PPFIA2: variants seen among roughly 807,000 people sequenced by gnomAD.
PPFIA2 encodes liprin-alpha-2.
In PPFIA2, 46 loss-of-function variants were observed where a neutral mutation model predicts 175.5. The ratio of observed to expected loss-of-function variants is 0.26; its 90% CI spans 0.21 to 0.34. The LOEUF (loss-of-function observed/expected upper bound fraction) is 0.34. Ranked by LOEUF, PPFIA2 falls within the 10% of genes least tolerant of loss-of-function variation. The probability of loss-of-function intolerance (pLI) is 1.00; values close to 1 mark genes in which losing one functional copy is unlikely to be tolerated. For synonymous variants in PPFIA2, 568 were observed against 511.4 expected, an observed-to-expected ratio of 1.11 and a Z score of -1.49; for missense variants, 1,179 against 1,506.1, an observed-to-expected ratio of 0.78 and a Z score of 3.60.
chr12:81,315,892 A>T (rs1594691236), intron 22 of PPFIA2, among the ~76,000 whole-genome samples: 1 of 151,814 alleles, frequency 6.6e-6, no homozygotes. Context: ...CATTAAATAT[A>T]ACTTTTCTTT....
chr12:81,332,565 T>C (rs1158427332), intron 21 of PPFIA2, among the ~76,000 whole-genome samples: 1 of 152,200 alleles, frequency 6.6e-6, no homozygotes, highest in Non-Finnish European at 1.5e-5. Flanking sequence ...AGAAAAATTA[T>C]AATGTTTCTG....
chr12:81,735,703 G>A (rs534321749), intron 3 of PPFIA2, among the ~76,000 whole-genome samples: 13 of 151,754 alleles, frequency 8.6e-5, no homozygotes, highest in Non-Finnish European at 1.6e-4. Context: ...CTTCTGCAGA[G>A]TGTATCGTTT....
At chr12:81,547,104 G>T (rs1234240734) in intron 4 of PPFIA2, among the ~76,000 whole-genome samples, 3 of 152,068 alleles carry the variant, frequency 2.0e-5, no homozygotes, top group African/African-American at 7.2e-5. Context: ...TTATTTGCCC[G>T]TGACAAACTG....
At chr12:81,444,795 A>G (rs2050907862) in intron 6 of PPFIA2, among the ~76,000 whole-genome samples, 1 of 152,186 alleles carries the variant, frequency 6.6e-6, no homozygotes, top group African/African-American at 2.4e-5. Flanking sequence ...ATACTTTACA[A>G]TGAAGTGTCC....
At chr12:81,510,935 A>C (rs1477301879) in intron 4 of PPFIA2, among the ~76,000 whole-genome samples, 2 of 152,216 alleles carry the variant, frequency 1.3e-5, no homozygotes, top group East Asian at 3.9e-4. Context: ...AAAACATTCT[A>C]ATTAGTTTTC....
chr12:81,560,074 C>G (rs140631639), intron 4 of PPFIA2, among the ~76,000 whole-genome samples: 1 of 152,022 alleles, frequency 6.6e-6, no homozygotes, highest in African/African-American at 2.4e-5. Context: ...TTTGAATTGA[C>G]GTATACCTGT....
At chr12:81,618,445 C>T (rs1472148413) in intron 4 of PPFIA2, among the ~76,000 whole-genome samples, 6 of 147,182 alleles carry the variant, frequency 4.1e-5, no homozygotes, top group Non-Finnish European at 8.9e-5. Context: ...GTAGAGAAAA[C>T]TGAAATTTAC....
At chr12:81,615,453 G>A (rs1308082165) in intron 4 of PPFIA2, among the ~76,000 whole-genome samples, 2 of 152,106 alleles carry the variant, frequency 1.3e-5, no homozygotes, top group Non-Finnish European at 2.9e-5. Context: ...ATAGAGAAAT[G>A]GTCCAAGCTG....
intron 4 of PPFIA2, among the ~76,000 whole-genome samples, chr12:81,514,760 T>C (rs2062199336): frequency 6.6e-6 from 1 of 151,970 alleles, no homozygotes; most frequent in Non-Finnish European, 1.5e-5. Flanking sequence ...AAATTAAATA[T>C]ACTAAATTAT....
intron 4 of PPFIA2, among the ~76,000 whole-genome samples, chr12:81,515,903 C>A (rs1166029719): frequency 6.6e-6 from 1 of 151,792 alleles, no homozygotes; most frequent in Non-Finnish European, 1.5e-5. Flanking sequence ...TACCAAAACT[C>A]TTTCTTGAAT....
intron 3 of PPFIA2, among the ~76,000 whole-genome samples, chr12:81,702,311 C>T (rs1419676071): frequency 2.0e-5 from 3 of 152,060 alleles, no homozygotes; most frequent in Non-Finnish European, 4.4e-5. Context: ...TTTCTTTCCC[C>T]AGTTACTATA....
intron 14 of PPFIA2, 81 bp from the exon 15 acceptor site, chr12:81,362,865 T>TA (rs1194857004): frequency 3.5e-6 from 3 of 854,596 alleles, no homozygotes; most frequent in Non-Finnish European, 5.4e-6. Flanking sequence ...TGATTTTTTT[T>TA]AAAAAGGAAA....
chr12:81,705,083 TA>T (rs557079067), intron 3 of PPFIA2, among the ~76,000 whole-genome samples: 2,484 of 32,234 alleles, frequency 0.077, 18 homozygotes, highest in Middle Eastern at 0.21. Context: ...AAACTCTGTC[TA>T]AAAAAAAAAA....
intron 3 of PPFIA2, among the ~76,000 whole-genome samples, chr12:81,677,841 G>C (rs183720438): frequency 2.0e-5 from 3 of 151,862 alleles, no homozygotes; most frequent in Non-Finnish European, 4.4e-5. Flanking sequence ...TAGAGGCTGT[G>C]ACCTGTTTAT....
intron 4 of PPFIA2, among the ~76,000 whole-genome samples, chr12:81,514,176 C>G (rs925785690): frequency 6.6e-6 from 1 of 151,828 alleles, no homozygotes. Context: ...CAAGTTCCCC[C>G]CCTGAACAAA....
chr12:81,701,314 G>A (rs539730997), intron 3 of PPFIA2, among the ~76,000 whole-genome samples: 1 of 152,154 alleles, frequency 6.6e-6, no homozygotes, highest in African/African-American at 2.4e-5. Context: ...GTGGGAAGTT[G>A]ACCTGCTGCC....
chr12:81,261,324 C>G (rs2035453228), intron 32 of PPFIA2: 1 of 152,178 alleles, frequency 6.6e-6, no homozygotes, highest in East Asian at 1.9e-4. Flanking sequence ...TCAAGTGACT[C>G]TCTTGCCTCA....
chr12:81,707,661 C>T (rs2077364087), intron 3 of PPFIA2, among the ~76,000 whole-genome samples: 1 of 150,508 alleles, frequency 6.6e-6, no homozygotes, highest in South Asian at 2.1e-4. Context: ...ACCCAGCCAT[C>T]CCATTACTGG....
At chr12:81,533,731 CTATCTATA>C (rs779892130) in intron 4 of PPFIA2, among the ~76,000 whole-genome samples, 4,680 of 76,980 alleles carry the variant, frequency 0.061, 98 homozygotes, top group African/African-American at 0.091. Flanking sequence ...ATCTATCTAT[CTATCTATA>C]TATCTATCTA....
Sources: allele counts gnomAD v4.1 joint callset (sites outside exome capture counted in the v4.1 genomes callset), GRCh38; gene constraint gnomAD v4.1.1; transcripts MANE v1.5; gene names NCBI Gene and HGNC (gene_info 2026-07-23, HGNC 2026-07-21).